The following ITGB6 variants were observed in gnomAD, a reference collection of about 807,000 sequenced individuals.
The protein encoded by ITGB6 is integrin beta-6.
A neutral mutation model predicts 84.5 loss-of-function variants in ITGB6; 80 were observed. That is an observed-to-expected ratio of 0.95 (90% CI 0.79 to 1.14). The LOEUF is 1.14. ITGB6 is among the 50% of genes most tolerant of loss of function. The pLI is 0.00. For missense variants in ITGB6, 1,006 were observed against 968.0 expected, an observed-to-expected ratio of 1.04 and a Z score of -0.52; for synonymous variants, 383 against 354.9, an observed-to-expected ratio of 1.08 and a Z score of -0.89.
chr2:160,149,376 A>C (rs1164669988), intron 7 of ITGB6, among the ~76,000 whole-genome samples: 3 of 152,242 alleles, frequency 2.0e-5, no homozygotes, highest in African/African-American at 7.2e-5. Context: ...GACTGTTAGA[A>C]GGAAAACTAA....
intron 12 of ITGB6, among the ~76,000 whole-genome samples, chr2:160,114,158 T>TGGAATGGCAAAGAATGGA (rs1237984943): frequency 1.3e-5 from 2 of 152,320 alleles, no homozygotes; most frequent in East Asian, 1.9e-4. Context: ...AATGGCAGAA[T>TGGAATGGCAAAGAATGGA]ATGATCTTTG....
Position 160,111,870 on chromosome 2 carries a change from G to A in ITGB6, c.2101+210C>T, listed in dbSNP as rs554846187. Among the ~76,000 whole-genome samples, 228 of 152,150 alleles carry A rather than the reference G, an allele frequency of 1.5e-3. 1 individual carries two copies. In the South Asian group the frequency reaches 0.022, roughly 15 times the overall value. On this transcript the variant is annotated intron_variant, in intron 13 of 14. Transcript: ENST00000283249. ...GCTGGGATTACAGGTGTGAGCCACC[G>A]TGCCCGACCCTTATCTGGTCTTAAT...
intron 12 of ITGB6, among the ~76,000 whole-genome samples, chr2:160,118,283 G>A (rs1341930601): frequency 3.3e-5 from 5 of 152,124 alleles, no homozygotes; most frequent in Admixed American, 1.3e-4. Context: ...CTGGCAAACC[G>A]AATCCAGCAG....
chr2:160,192,908 A>G (rs1686197021), intron 4 of ITGB6, among the ~76,000 whole-genome samples: 1 of 152,132 alleles, frequency 6.6e-6, no homozygotes, highest in East Asian at 1.9e-4. Context: ...TTCATTATTA[A>G]GGAGATGCAA....
At chr2:160,120,896 C>G (rs1294879128) in intron 12 of ITGB6, among the ~76,000 whole-genome samples, 5 of 135,536 alleles carry the variant, frequency 3.7e-5, no homozygotes, top group African/African-American at 1.4e-4. Flanking sequence ...GAACATCACA[C>G]TTCAGGGACC....
At chr2:160,196,679 ATGTGTGTGTGTGTGTC>A (rs1162133192) in intron 2 of ITGB6, among the ~76,000 whole-genome samples, 1 of 151,558 alleles carries the variant, frequency 6.6e-6, no homozygotes, top group African/African-American at 2.4e-5. Flanking sequence ...TAACAATTGC[ATGTGTGTGTGTGTGTC>A]TGTGTGTGTG....
intron 4 of ITGB6, among the ~76,000 whole-genome samples, chr2:160,181,309 G>A (rs1006761893): frequency 1.1e-4 from 17 of 152,168 alleles, no homozygotes; most frequent in African/African-American, 3.6e-4. Context: ...AGGGGGAGGG[G>A]CATCTGCCAT....
chr2:160,111,005 A>C (rs1409487280), intron 13 of ITGB6, among the ~76,000 whole-genome samples: 1 of 152,328 alleles, frequency 6.6e-6, no homozygotes, highest in African/African-American at 2.4e-5. Context: ...ACGCCATAAT[A>C]AAAAGCATCA....
intron 10 of ITGB6, among the ~76,000 whole-genome samples, chr2:160,137,017 A>G (rs35859214): frequency 0.66 from 98,243 of 148,964 alleles, 32,854 homozygotes; most frequent in Admixed American, 0.74. Context: ...AAACCTGCAC[A>G]TTGTGCACAT....
chr2:160,189,266 G>A (rs907183000), intron 4 of ITGB6, among the ~76,000 whole-genome samples: 2 of 152,094 alleles, frequency 1.3e-5, no homozygotes, highest in African/African-American at 2.4e-5. Context: ...GAAAACCTAG[G>A]CAATACCATT....
rs764709354 is a variant in ITGB6, at chr2:160,123,888, C to T, written c.1884G>A (p.Arg628=). Residue 628 remains arginine, a splice_region_variant and synonymous_variant, in exon 12 of 15, where the codon CGG becomes CGA. Coordinates refer to ENST00000283249, the MANE Select transcript of ITGB6 (RefSeq NM_000888.5). ...CTGACAGGTGGCACTCAATGCAGCT[C>T]CTGTGGACAGTATCCAACAGTGTAT... The part of the protein sequence containing the change: ...PTCGDPCNSK[R]SCIECHLSAA... The T allele has an allele frequency of 1.4e-5, 23 of 1,611,586 alleles. No homozygotes were observed. The highest frequency in any genetic ancestry group is 1.1e-4 in the East Asian group (5 of 44,870).
chr2:160,103,315 A>C (rs535185027), intron 14 of ITGB6, among the ~76,000 whole-genome samples: 51 of 152,192 alleles, frequency 3.4e-4, no homozygotes, highest in Non-Finnish European at 5.1e-4. Flanking sequence ...AGTGGGAATC[A>C]CACCTGCACC....
Position 160,137,832 on chromosome 2 carries a change from A to G in ITGB6, c.1262T>C (p.Val421Ala). 1 of 1,613,826 alleles carries G rather than the reference A, an allele frequency of 6.2e-7. No homozygotes were observed. The highest frequency in any genetic ancestry group is 2.2e-5 in the East Asian group (1 of 44,864). Reference sequence around the variant, plus strand: ...TCTTCTCTCGCAGTGTGGGATATTCACAGTCACGCTGAAGGAAGCCTGGAA... The same window carrying G: ...TCTTCTCTCGCAGTGTGGGATATTCGCAGTCACGCTGAAGGAAGCCTGGAA... ...VGDTASFSVT[V>A]NIPHCERRSR... The change falls in exon 10 of 15, where the codon GTG (valine) becomes GCG (alanine). Residue 421 changes from valine to alanine, a missense_variant. Physicochemically the swap from Val to Ala is moderately conservative, Grantham distance 64. Transcript: ENST00000283249.
Position 160,172,713 on chromosome 2 carries a change from C to T in ITGB6, c.777G>A (p.Arg259=). The stretch of plus-strand genomic sequence containing the variant: ...AGACCAGGAGGTGGAGGGAGTCATT[C>T]CGCCAGCCAATTTTTTCCTACAGTG... The part of the protein sequence containing the change: ...AAVCKEKIGW[R]NDSLHLLVFV... Residue 259 remains arginine (R), a synonymous_variant, in exon 6 of 15, where the codon CGG becomes CGA. Coordinates refer to ENST00000283249, the MANE Select transcript of ITGB6 (RefSeq NM_000888.5). 6.3e-7 allele frequency: 1 copy of T among 1,594,296 alleles called. No homozygotes were observed. The highest frequency in any genetic ancestry group is 8.6e-7 in the Non-Finnish European group (1 of 1,163,408).
chr2:160,124,113 T>C (rs958592128), intron 11 of ITGB6, among the ~76,000 whole-genome samples: 1 of 152,250 alleles, frequency 6.6e-6, no homozygotes, highest in Admixed American at 6.5e-5. Flanking sequence ...GTCTTGATAA[T>C]AGCTACTATT....
intron 4 of ITGB6, among the ~76,000 whole-genome samples, chr2:160,189,804 C>T (rs1001334816): frequency 6.6e-6 from 1 of 152,122 alleles, no homozygotes; most frequent in Non-Finnish European, 1.5e-5. Flanking sequence ...GGCGATGCCT[C>T]AGGGATCTAG....
intron 1 of ITGB6, 49 bp from the exon 2 acceptor site, chr2:160,199,307 T>C: frequency 7.1e-7 from 1 of 1,400,754 alleles, no homozygotes; most frequent in Non-Finnish European, 1.0e-6. Flanking sequence ...CTTTCAGTCA[T>C]TCCATTTATG....
At position 160,107,744 on chromosome 2, in the gene ITGB6, A is replaced by G. The variant is rs781242094; in HGVS notation, c.2203T>C (p.Ser735Pro). 4 of 1,613,940 alleles carry G rather than the reference A, an allele frequency of 2.5e-6. No individual in the cohort carries two copies. The highest frequency in any genetic ancestry group is 3.3e-5 in the Admixed American group (2 of 59,986). Reference sequence around the variant, plus strand: ...GCAACTTCTTTACGATCATGAAATGACACCAGTAGCTTCCAGATGCACAGT... The same window carrying G: ...GCAACTTCTTTACGATCATGAAATGGCACCAGTAGCTTCCAGATGCACAGT... ...VLLCIWKLLV[S>P]FHDRKEVAKF... is the part of the protein sequence containing the mutation. Residue 735 changes from serine (S) to proline (P), a missense_variant, in exon 14 of 15, where the codon TCA (serine) becomes CCA (proline). Ser to Pro is a moderately conservative substitution (Grantham distance 74, BLOSUM62 -1). Coordinates refer to ENST00000283249, the MANE Select transcript of ITGB6 (RefSeq NM_000888.5).
intron 4 of ITGB6, among the ~76,000 whole-genome samples, chr2:160,189,869 A>G (rs1361783539): frequency 1.3e-5 from 2 of 152,188 alleles, no homozygotes; most frequent in Non-Finnish European, 2.9e-5. Flanking sequence ...TACCCAAAGG[A>G]TTCTAAATCA....
Sources: gnomAD v4.1 joint callset for allele counts (sites outside exome capture counted in the v4.1 genomes callset) on GRCh38, gnomAD v4.1.1 for gene constraint, MANE v1.5 for transcripts, NCBI Gene and HGNC (gene_info 2026-07-23, HGNC 2026-07-21) for gene names.